The following NOTCH3 variants were observed in gnomAD, a reference collection of about 807,000 sequenced individuals.
The protein encoded by NOTCH3 is neurogenic locus notch homolog protein 3.
In NOTCH3, 86 loss-of-function variants were observed where a neutral mutation model predicts 213.3. The ratio of observed to expected loss-of-function variants is 0.40; its 90% CI spans 0.34 to 0.48. NOTCH3 has a LOEUF of 0.48. Ranked by LOEUF, NOTCH3 falls within the 20% of genes least tolerant of loss-of-function variation. The probability of loss-of-function intolerance (pLI) is 0.57; values close to 1 mark genes in which losing one functional copy is unlikely to be tolerated. For synonymous variants in NOTCH3, 1,354 were observed against 1,355.9 expected (o/e 1.00, Z 0.03); for missense variants, 2,783 against 3,272.6 (o/e 0.85, Z 3.65).
Position 15,185,403 on chromosome 19 carries a change from C to T in NOTCH3, c.2150G>A (p.Arg717His), listed in dbSNP as rs781574783. ...ACTCCAGCCAGGCTCACACACACAGCGGAACCTGGCAGGGGAAGGTAGTCA... is the reference window on the plus strand; with the variant it reads ...ACTCCAGCCAGGCTCACACACACAGTGGAACCTGGCAGGGGAAGGTAGTCA... ...GICYDAPGGF[R>H]CVCEPGWSGP... The change falls in exon 14 of 33, where the codon CGC becomes CAC. Residue 717 changes from arginine to histidine, a missense_variant. By Grantham distance (29) the Arg-to-His change is conservative. Around this residue, in one of 6 missense-constraint regions of NOTCH3, gnomAD observed 861 missense variants for 909.1 expected, o/e 0.95. Transcript: ENST00000263388. The surrounding 1 kb of genome is among the most constrained non-coding windows in gnomAD (Gnocchi z 4.2). 34 of 1,611,670 alleles carry T rather than the reference C, an allele frequency of 2.1e-5. No homozygotes were observed. The highest frequency in any genetic ancestry group is 2.7e-5 in the Non-Finnish European group (32 of 1,179,292).
In NOTCH3 at chr19:15,165,742, A is replaced by G; in HGVS notation, c.5667+45T>C. 6.3e-7 allele frequency: 1 copy of G among 1,597,706 alleles called. No homozygotes were observed. The stretch of plus-strand genomic sequence containing the variant: ...CTGGGGCTCAAACCCAGGTAAGTCT[A>G]ATGCCTGCCCCAGCTCTGAGGTCCA... On this transcript the variant is annotated intron_variant, in intron 30 of 32. Coordinates refer to ENST00000263388, the MANE Select transcript of NOTCH3 (RefSeq NM_000435.3). The surrounding 1 kb of genome is among the most constrained non-coding windows in gnomAD (Gnocchi z 4.7).
chr19:15,167,379 A>T lies in NOTCH3; in HGVS notation c.5232T>A (p.Ala1744=). 1 of 1,609,178 alleles carries T rather than the reference A, an allele frequency of 6.2e-7. No individual in the cohort carries two copies. Among genetic ancestry groups the T allele is most frequent in the Non-Finnish European group, 8.5e-7 (1 of 1,180,016 alleles). ...VEEPGMGAEE[A]VDCRQWTQHH... ...GTTGAGTCCACTGACGGCAATCCAC[A>T]GCCTCCTCAGCCCCCATGCCTGGCT... Residue 1744 remains alanine (A), a synonymous_variant, in exon 29 of 33, where the codon GCT becomes GCA. Transcript: ENST00000263388.
chr19:15,175,427 G>A (rs1369351902), intron 24 of NOTCH3, among the ~76,000 whole-genome samples: 2 of 149,912 alleles, frequency 1.3e-5, no homozygotes, highest in African/African-American at 4.9e-5. Context: ...CCAGCTACTC[G>A]GGAAGCTGAG....
chr19:15,164,998 A>G (rs1264939440), intron 31 of NOTCH3, among the ~76,000 whole-genome samples: 1 of 152,082 alleles, frequency 6.6e-6, no homozygotes, highest in East Asian at 1.9e-4. Context: ...TCTGGTCTCA[A>G]ACTCCTGGCC....
At chr19:15,200,178 G>A (rs1040473106) in intron 1 of NOTCH3, among the ~76,000 whole-genome samples, 19 of 150,770 alleles carry the variant, frequency 1.3e-4, no homozygotes, top group Admixed American at 1.3e-4. Flanking sequence ...CAGGGCCTCC[G>A]GGTCCCCGCG....
At position 15,177,785 on chromosome 19, in the gene NOTCH3, G is replaced by A. The variant is rs913652371; in HGVS notation, c.4143C>T (p.Val1381=). 5.4e-6 allele frequency: 7 copies of A among 1,303,688 alleles called. No homozygotes were observed. In the African/African-American group the frequency reaches 1.1e-4, roughly 20 times the overall value. The allele number at this position is 1,303,688 out of a possible 1,614,324, so 80.8% of individuals were successfully genotyped here. The change falls in exon 24 of 33, where the codon GTC becomes GTT. Residue 1381 remains valine, a synonymous_variant. Coordinates refer to ENST00000263388, the MANE Select transcript of NOTCH3 (RefSeq NM_000435.3). ...CGCGCGGGCACCGCGGCTCCTCCGA[G>A]ACCTCGGGTGCCGCGGCGGGCGCCT... The part of the protein sequence containing the change: ...RCEAPAAAPE[V]SEEPRCPRAA...
At chr19:15,167,010 C>G (rs1366692205) in intron 29 of NOTCH3, among the ~76,000 whole-genome samples, 1 of 152,210 alleles carries the variant, frequency 6.6e-6, no homozygotes, top group Non-Finnish European at 1.5e-5. Context: ...GAGGGGAAAA[C>G]TGAGTCCTGG....
intron 32 of NOTCH3, among the ~76,000 whole-genome samples, 182 bp from the exon 33 acceptor site, chr19:15,161,896 T>C (rs1202972871): frequency 6.6e-6 from 1 of 151,706 alleles, no homozygotes; most frequent in African/African-American, 2.4e-5. Context: ...CATTCATCCA[T>C]CACCTACTAA....
In NOTCH3 at chr19:15,177,881, G is replaced by C; in HGVS notation, c.4047C>G (p.Ser1349=). 1 of 1,237,220 alleles carries C rather than the reference G, an allele frequency of 8.1e-7. No homozygotes were observed. Among genetic ancestry groups the C allele is most frequent in the Non-Finnish European group, 1.0e-6 (1 of 992,410 alleles). 76.6% of individuals were successfully genotyped at this position (1,237,220 alleles called of 1,614,324 possible). Residue 1349 remains serine (S), a synonymous_variant, in exon 24 of 33, where the codon TCC becomes TCG. Transcript: ENST00000263388. ...CAAAPCLHGG[S]CRPAPLAPFF... ...AGGGCGCGAGCGGCGCGGGGCGGCA[G>C]GAGCCCCCGTGGAGACAGGGGGCGG... is the stretch of plus-strand genomic sequence containing the variant.
Position 15,178,066 on chromosome 19 carries a change from G to T in NOTCH3, c.3862C>A (p.Arg1288=). ...AQPFWGPRCE[R]VARSCRELQC... is the part of the protein sequence containing the mutation. ...AGCTCCCGGCAGGAGCGCGCCACCC[G>T]CTCGCAACGCGGACCCCAGAACGGC... is the stretch of plus-strand genomic sequence containing the variant. Residue 1288 remains arginine (R), a synonymous_variant, in exon 24 of 33, where the codon CGG becomes AGG. Transcript: ENST00000263388. The T allele has an allele frequency of 6.6e-7, 1 of 1,519,142 alleles. No individual in the cohort carries two copies. The highest frequency in any genetic ancestry group is 8.8e-7 in the Non-Finnish European group (1 of 1,139,132). 94.1% of individuals were successfully genotyped at this position (1,519,142 alleles called of 1,614,324 possible).
In NOTCH3 at chr19:15,169,409, C is replaced by CTT. The variant is rs528133159; in HGVS notation, c.5199+675_5199+676dup. On this transcript the variant is annotated intron_variant, in intron 28 of 32. Coordinates refer to ENST00000263388, the MANE Select transcript of NOTCH3 (RefSeq NM_000435.3). ...TGTTTAGGTCACCCATGCTGTGGGA[C>CTT]TTTTTTTTTTTTTTGAGACGGAGTT... Among the ~76,000 whole-genome samples, 5 of 142,490 alleles carry CTT rather than the reference C, an allele frequency of 3.5e-5. No homozygotes were observed. The East Asian group carries it at 6.2e-4, about 18-fold the overall frequency. 93.5% of individuals were successfully genotyped at this position (142,490 alleles called of 152,430 possible).
intron 19 of NOTCH3, 135 bp from the exon 20 acceptor site, chr19:15,180,391 C>T (rs2046829456): frequency 9.8e-7 from 1 of 1,025,626 alleles, no homozygotes; most frequent in Non-Finnish European, 1.5e-6. Flanking sequence ...GGTTGTCACA[C>T]ATCCCCCCAG....
rs2145382938 is a variant in NOTCH3, at chr19:15,161,472, G to A, written c.6156C>T (p.Gly2052=). ...LLCPPGAFLP[G]LKAAQSGSKK... Reference sequence around the variant, plus strand: ...TGGACCCCGACTGTGCCGCTTTGAGGCCAGGGAGGAAGGCCCCTGGAGGAC... The same window carrying A: ...TGGACCCCGACTGTGCCGCTTTGAGACCAGGGAGGAAGGCCCCTGGAGGAC... Residue 2052 remains glycine, a synonymous_variant, in exon 33 of 33, where the codon GGC becomes GGT. Transcript: ENST00000263388. The A allele has an allele frequency of 6.3e-7, 1 of 1,575,636 alleles. No individual in the cohort carries two copies. Among genetic ancestry groups the A allele is most frequent in the Non-Finnish European group, 8.6e-7 (1 of 1,160,346 alleles).
intron 1 of NOTCH3, among the ~76,000 whole-genome samples, chr19:15,198,484 C>T (rs1160160228): frequency 6.6e-6 from 1 of 152,190 alleles, no homozygotes; most frequent in Non-Finnish European, 1.5e-5. Flanking sequence ...GGCATGGTGG[C>T]TCACGCCTCT....
intron 23 of NOTCH3, 61 bp from the exon 24 acceptor site, chr19:15,178,151 G>T: frequency 9.6e-7 from 1 of 1,043,374 alleles, no homozygotes. Context: ...AGGGAAGGAG[G>T]AGAAGAAATG....
intron 8 of NOTCH3, 113 bp from the exon 9 acceptor site, chr19:15,188,461 C>T: frequency 1.3e-6 from 1 of 747,520 alleles, no homozygotes; most frequent in South Asian, 1.5e-5. Context: ...GAGCCTTCGT[C>T]CCCACCTCTA....
rs753528165 is a variant in NOTCH3, at chr19:15,179,202, T to C, written c.3541A>G (p.Thr1181Ala). ...AAACCACCCACCAGGTCCACGCAGG[T>C]GCCATTGTGTAGGCACCGGGGCCCT... ...DSGPRCLHNG[T>A]CVDLVGGFRC... The change falls in exon 22 of 33, where the codon ACC becomes GCC. Residue 1181 changes from threonine to alanine, a missense_variant. Around this residue, in one of 6 missense-constraint regions of NOTCH3, gnomAD observed 861 missense variants for 909.1 expected, o/e 0.95. Coordinates refer to ENST00000263388, the MANE Select transcript of NOTCH3 (RefSeq NM_000435.3). 3.7e-6 allele frequency: 6 copies of C among 1,613,204 alleles called. No individual in the cohort carries two copies. Among genetic ancestry groups the C allele is most frequent in the Non-Finnish European group, 5.1e-6 (6 of 1,179,784 alleles).
chr19:15,167,780 C>T (rs1276609186), intron 28 of NOTCH3, among the ~76,000 whole-genome samples: 2 of 152,106 alleles, frequency 1.3e-5, no homozygotes, highest in African/African-American at 4.8e-5. Context: ...GTCTCGAACT[C>T]CTGACCTCAG....
In NOTCH3 at chr19:15,173,751, AAGGAGAAGG is replaced by A. The variant is rs1568351758; in HGVS notation, c.4736+308_4736+316del. Among the ~76,000 whole-genome samples the A allele has an allele frequency of 1.1e-4, 16 of 146,798 alleles. 2 individuals are homozygous for A. Among genetic ancestry groups the A allele is most frequent in the African/African-American group, 4.2e-4 (16 of 38,296 alleles). ...AAAAAAAAAAAAAAAAGAAAAGAAG[AAGGAGAAGG>A]AGAAGGAGAAGGAGAAGGAGAAGGA... On this transcript the variant is annotated intron_variant, in intron 25 of 32. Coordinates refer to ENST00000263388, the MANE Select transcript of NOTCH3 (RefSeq NM_000435.3).
Sources: gnomAD v4.1 joint callset for allele counts (sites outside exome capture counted in the v4.1 genomes callset) on GRCh38, gnomAD v4.1.1 for gene constraint, gnomAD v4.1.1 regional missense constraint, Gnocchi (gnomAD v3.1) non-coding constraint, MANE v1.5 for transcripts, NCBI Gene and HGNC (gene_info 2026-07-23, HGNC 2026-07-21) for gene names.